Variants in FAM234A observed in about 807,000 individuals in gnomAD.
The protein encoded by FAM234A is family with sequence similarity 234 member A, also known as protein FAM234A.
In FAM234A, 42 loss-of-function variants were observed where a neutral mutation model predicts 49.1. The ratio of observed to expected loss-of-function variants is 0.86; its 90% confidence interval spans 0.67 to 1.11. FAM234A has a LOEUF of 1.11. FAM234A is among the 50% of genes least tolerant of loss of function. FAM234A has a pLI of 0.00. For synonymous variants in FAM234A, 369 were observed against 316.2 expected (o/e 1.17, Z -1.77); for missense variants, 815 against 745.2 (o/e 1.09, Z -1.09).
downstream of FAM234A, chr16:269,816 T>C (rs2051837118): frequency 3.8e-6 from 2 of 527,298 alleles, no homozygotes; most frequent in Admixed American, 6.9e-5. Context: ...AGAGCCCTGG[T>C]GGCCACGTGT....
At chr16:257,443 AC>A (rs767551173) in intron 3 of FAM234A, among the ~76,000 whole-genome samples, 32 of 151,074 alleles carry the variant, frequency 2.1e-4, no homozygotes, top group Admixed American at 1.4e-3. Context: ...ACGGGGTTTC[AC>A]CATATTGGCC....
At chr16:252,343 A>T (rs994416227) in intron 2 of FAM234A, among the ~76,000 whole-genome samples, 1 of 151,648 alleles carries the variant, frequency 6.6e-6, no homozygotes. Flanking sequence ...CACCATGCCC[A>T]GCTAATTTTT....
chr16:255,100 C>T (rs920810373), intron 3 of FAM234A, among the ~76,000 whole-genome samples: 1 of 152,290 alleles, frequency 6.6e-6, no homozygotes, highest in Middle Eastern at 3.4e-3. Flanking sequence ...GTGATCCGCC[C>T]GCCTCAGCCT....
chr16:261,054 G>A (rs375068350), intron 5 of FAM234A, among the ~76,000 whole-genome samples: 1 of 152,180 alleles, frequency 6.6e-6, no homozygotes, highest in Non-Finnish European at 1.5e-5. Flanking sequence ...GGTCAGCATG[G>A]GCCCTAGAGG....
At chr16:266,996 C>A (rs1431437260), downstream of FAM234A, among the ~76,000 whole-genome samples, 1 of 152,086 alleles carries the variant, frequency 6.6e-6, no homozygotes, top group Non-Finnish European at 1.5e-5. Context: ...GAGCCCCACC[C>A]TGAGAAGCCG....
Position 257,236 on chromosome 16 carries a change from CTTTTTTTTTTTTT to C in FAM234A, c.269-2233_269-2221del, listed in dbSNP as rs759071082. ...TAAAAGCTTTTAGTTTCAATGAAGTCTTTTTTTTTTTTTTTTTTTTTTTTTTGGAGACAGTCTT... is the reference window on the plus strand; with the variant it reads ...TAAAAGCTTTTAGTTTCAATGAAGTCTTTTTTTTTTTTTGGAGACAGTCTT... On this transcript the variant is annotated intron_variant, in intron 3 of 12. Transcript: ENST00000399932. Among the ~76,000 whole-genome samples the C allele has an allele frequency of 3.6e-4, 32 of 89,014 alleles. 1 individual carries two copies. The East Asian group carries it at 5.5e-3, about 15-fold the overall frequency. 58.4% of individuals were successfully genotyped at this position (89,014 alleles called of 152,430 possible).
At chr16:263,657 C>T in intron 9 of FAM234A, 43 bp from the exon 10 acceptor site, 1 of 1,497,876 alleles carries the variant, frequency 6.7e-7, no homozygotes, top group Non-Finnish European at 9.3e-7. Context: ...TCTCAGTCTC[C>T]TCACTGAGAC....
intron 5 of FAM234A, chr16:260,891 C>T (rs1049429590): frequency 1.5e-5 from 5 of 328,554 alleles, no homozygotes; most frequent in South Asian, 4.7e-5. Context: ...TGCCTCCGGG[C>T]GCACACCTCC....
intron 9 of FAM234A, 106 bp from the exon 10 acceptor site, chr16:263,594 A>C (rs2051569244): frequency 1.6e-6 from 2 of 1,270,838 alleles, no homozygotes; most frequent in South Asian, 2.4e-5. Context: ...GCCCTGGTCC[A>C]GATGTGGCCA....
chr16:269,700 C>T (rs182767677), downstream of FAM234A: 645 of 836,834 alleles, frequency 7.7e-4, 5 homozygotes, highest in African/African-American at 0.01. Context: ...GAGTCTCCGG[C>T]GGACAGGGTG....
chr16:250,996 G>A (rs2050978009), intron 2 of FAM234A, among the ~76,000 whole-genome samples: 1 of 152,118 alleles, frequency 6.6e-6, no homozygotes, highest in African/African-American at 2.4e-5. Flanking sequence ...TCCCTCTATT[G>A]CCCAGGCTGG....
chr16:243,632 C>T (rs911642050), intron 1 of FAM234A, among the ~76,000 whole-genome samples: 1 of 152,200 alleles, frequency 6.6e-6, no homozygotes, highest in Non-Finnish European at 1.5e-5. Context: ...CTTTTAATAA[C>T]TACCCCTATT....
At chr16:245,719 A>T (rs6600190) in intron 1 of FAM234A, among the ~76,000 whole-genome samples, 2 of 152,040 alleles carry the variant, frequency 1.3e-5, no homozygotes, top group South Asian at 4.1e-4. Flanking sequence ...TTCTGAATTT[A>T]TGTTAGGCCA....
At position 265,207 on chromosome 16, in the gene FAM234A, GA is replaced by G. The variant is rs2051651602; in HGVS notation, c.*186del. 7.1e-7 allele frequency: 1 copy of G among 1,410,980 alleles called. No individual in the cohort carries two copies. The highest frequency in any genetic ancestry group is 3.0e-5 in the Admixed American group (1 of 33,508). 87.4% of individuals were successfully genotyped at this position (1,410,980 alleles called of 1,614,324 possible). On this transcript the variant is annotated 3_prime_UTR_variant, in exon 13 of 13. Transcript: ENST00000399932. The stretch of plus-strand genomic sequence containing the variant: ...ACCCAGGGACCTGCATGGGTGAGGG[GA>G]CACCCTGGGCCTCTCTCCCGCCCAG...
rs1383279057 is a variant in FAM234A, at chr16:265,476, TCC to T, written c.*457_*458del. 1.0e-6 allele frequency: 1 copy of T among 993,084 alleles called. No homozygotes were observed. Among genetic ancestry groups the T allele is most frequent in the Admixed American group, 5.9e-5 (1 of 16,860 alleles). 61.5% of individuals were successfully genotyped at this position (993,084 alleles called of 1,614,324 possible). The stretch of plus-strand genomic sequence containing the variant: ...CCCACCCCATCCTGTAGAAGTCCAT[TCC>T]CCTTTTCCCTCCTGTGCTCTGTCCC... On this transcript the variant is annotated 3_prime_UTR_variant, in exon 13 of 13. Coordinates refer to ENST00000399932, the MANE Select transcript of FAM234A (RefSeq NM_032039.4).
At chr16:255,821 G>A (rs556285685) in intron 3 of FAM234A, among the ~76,000 whole-genome samples, 3 of 152,214 alleles carry the variant, frequency 2.0e-5, no homozygotes, top group South Asian at 2.1e-4. Flanking sequence ...GCACCACCAC[G>A]CCCAGCTAAT....
At chr16:263,502 C>A (rs995485287) in intron 9 of FAM234A, 100 bp downstream of exon 9, 40 of 1,506,578 alleles carry the variant, frequency 2.7e-5, no homozygotes, top group Non-Finnish European at 3.3e-5. Flanking sequence ...GGGGTGGGGC[C>A]GGAGGCCGTG....
chr16:259,137 G>A (rs148966537), intron 3 of FAM234A, among the ~76,000 whole-genome samples: 24 of 152,250 alleles, frequency 1.6e-4, no homozygotes, highest in African/African-American at 5.5e-4. Context: ...TTGAGTCCTT[G>A]AATGAAAGGA....
chr16:264,601 G>A lies in FAM234A; in HGVS notation c.1345-13G>A. On this transcript the variant is annotated splice_polypyrimidine_tract_variant and intron_variant, in intron 11 of 12. Transcript: ENST00000399932. ...GTGAAGGGCGTGGGGCCCATTGCTG[G>A]TTCTCGCTCCAGGAGACCGGGGAGG... is the stretch of plus-strand genomic sequence containing the variant. 6.3e-7 allele frequency: 1 copy of A among 1,585,852 alleles called. No homozygotes were observed. Among genetic ancestry groups the A allele is most frequent in the South Asian group, 1.1e-5 (1 of 90,618 alleles).
Sources: allele counts gnomAD v4.1 joint callset (sites outside exome capture counted in the v4.1 genomes callset), GRCh38; gene constraint gnomAD v4.1.1; transcripts MANE v1.5; gene names NCBI Gene and HGNC (gene_info 2026-07-23, HGNC 2026-07-21).